The following IPMK variants were observed in gnomAD, a reference collection of about 807,000 sequenced individuals.
IPMK encodes the protein inositol 1,3,4,6-tetrakisphosphate 5-kinase.
A neutral mutation model predicts 45.8 loss-of-function variants in IPMK; 17 were observed. The ratio of observed to expected loss-of-function variants is 0.37; its 90% CI spans 0.25 to 0.56. The LOEUF (loss-of-function observed/expected upper bound fraction) is 0.56. Among genes scored for constraint, IPMK ranks in the 20% least tolerant of loss-of-function variants. The pLI, the probability that IPMK is intolerant of heterozygous loss-of-function variation, is 0.79. For synonymous variants in IPMK, 180 were observed against 184.3 expected, an observed-to-expected ratio of 0.98 and a Z score of 0.19; for missense variants, 399 against 498.0, an observed-to-expected ratio of 0.80 and a Z score of 1.89.
rs971007492 is a variant in IPMK at position 58,194,167 on chromosome 10, T to C, written c.*1909A>G. On this transcript the variant is annotated 3_prime_UTR_variant, in exon 6 of 6. Transcript: ENST00000373935. Reference sequence around the variant, plus strand: ...ATACTTAAGTTTATTAAATTCATTGTACATAGGTTGATATCATCCCATACA... The same window carrying C: ...ATACTTAAGTTTATTAAATTCATTGCACATAGGTTGATATCATCCCATACA... 13 of 151,870 alleles carry C rather than the reference T, an allele frequency of 8.6e-5. No homozygotes were observed. Among genetic ancestry groups the C allele is most frequent in the African/African-American group, 2.4e-4 (10 of 41,440 alleles). The allele number at this position is 151,870 out of a possible 1,614,324, so 9.4% of individuals were successfully genotyped here.
At chr10:58,243,190 C>T (rs989359079) in intron 1 of IPMK, among the ~76,000 whole-genome samples, 3 of 151,904 alleles carry the variant, frequency 2.0e-5, no homozygotes, top group Non-Finnish European at 4.4e-5. Context: ...TTTACAATAG[C>T]TGAGAAGTGG....
Position 58,195,857 on chromosome 10 carries a change from C to A in IPMK, c.*219G>T, listed in dbSNP as rs1475565731. 7 of 490,820 alleles carry A rather than the reference C, an allele frequency of 1.4e-5. No individual in the cohort carries two copies. In the Admixed American group the frequency reaches 1.5e-4, roughly 11 times the overall value. The allele number at this position is 490,820 out of a possible 1,614,324, so 30.4% of individuals were successfully genotyped here. A position where few individuals can be genotyped will look rare whatever the true frequency, so the allele number is the denominator to read the frequency against. On this transcript the variant is annotated 3_prime_UTR_variant, in exon 6 of 6. Coordinates refer to ENST00000373935, the MANE Select transcript of IPMK (RefSeq NM_152230.5). ...ATGTACCACCACATTCCCTGCTTAA[C>A]ATTCCTAAGTTTCTTTATTCTTCAT... is the stretch of plus-strand genomic sequence containing the variant.
intron 1 of IPMK, among the ~76,000 whole-genome samples, chr10:58,258,295 C>T (rs2486485): frequency 0.033 from 4,889 of 149,264 alleles, 123 homozygotes; most frequent in African/African-American, 0.072. Context: ...GGCGACGGAG[C>T]GAGATTCCAT....
chr10:58,224,487 T>C (rs548222932), intron 3 of IPMK, among the ~76,000 whole-genome samples: 7 of 152,338 alleles, frequency 4.6e-5, no homozygotes, highest in African/African-American at 1.4e-4. Context: ...ATTGTGATGA[T>C]TGTATAATTC....
chr10:58,213,643 G>A (rs181752540), intron 4 of IPMK, among the ~76,000 whole-genome samples: 3 of 150,082 alleles, frequency 2.0e-5, no homozygotes, highest in South Asian at 2.1e-4. Context: ...GCAGAGATGC[G>A]ACACTGCACT....
At position 58,196,170 on chromosome 10, in the gene IPMK, A is replaced by T. The variant is rs780801664; in HGVS notation, c.1157T>A (p.Phe386Tyr). ...IAEVEVRMID[F>Y]AHVFPSNTID... Reference sequence around the variant, plus strand: ...TGTGTTGCTAGGGAACACATGAGCAAAATCTATCATTCGCACTTCTACTTC... The same window carrying T: ...TGTGTTGCTAGGGAACACATGAGCATAATCTATCATTCGCACTTCTACTTC... The change falls in exon 6 of 6, where the codon TTT (phenylalanine) becomes TAT (tyrosine). Residue 386 changes from phenylalanine (F) to tyrosine (Y), a missense_variant. By Grantham distance (22) the Phe-to-Tyr change is conservative (BLOSUM62 3). This residue lies in a region of IPMK where 288 missense variants were observed against 398.0 expected (regional missense o/e 0.72). Coordinates refer to ENST00000373935, the MANE Select transcript of IPMK (RefSeq NM_152230.5). 1 of 1,614,110 alleles carries T rather than the reference A, an allele frequency of 6.2e-7. No homozygotes were observed. Among genetic ancestry groups the T allele is most frequent in the Admixed American group, 1.7e-5 (1 of 60,024 alleles).
At chr10:58,208,371 T>C (rs368370056) in intron 4 of IPMK, among the ~76,000 whole-genome samples, 7 of 152,242 alleles carry the variant, frequency 4.6e-5, no homozygotes, top group African/African-American at 1.4e-4. Context: ...GCTAGGGAGC[T>C]ACTGTGATCT....
At chr10:58,199,454 AATCGCAGTTAT>A (rs1837965952) in intron 4 of IPMK, 133 bp from the exon 5 acceptor site, 1 of 519,358 alleles carries the variant, frequency 1.9e-6, no homozygotes, top group Non-Finnish European at 3.3e-6. Flanking sequence ...GAAAAAAAAA[AATCGCAGTTAT>A]ATCAATGGAT....
intron 4 of IPMK, among the ~76,000 whole-genome samples, 165 bp from the exon 5 acceptor site, chr10:58,199,486 C>T (rs1837966366): frequency 6.6e-6 from 1 of 151,942 alleles, no homozygotes; most frequent in South Asian, 2.1e-4. Flanking sequence ...GCTGAAAAAG[C>T]ACTTTACAAA....
intron 4 of IPMK, among the ~76,000 whole-genome samples, chr10:58,202,849 C>G (rs761843853): frequency 4.6e-5 from 7 of 152,118 alleles, no homozygotes; most frequent in Non-Finnish European, 5.9e-5. Flanking sequence ...AACAAGATTA[C>G]TGATGATGTA....
chr10:58,257,352 G>T (rs529077470), intron 1 of IPMK, among the ~76,000 whole-genome samples: 3 of 151,970 alleles, frequency 2.0e-5, no homozygotes, highest in Non-Finnish European at 4.4e-5. Context: ...AAGATTAGCT[G>T]GGCATGGTGG....
intron 4 of IPMK, among the ~76,000 whole-genome samples, chr10:58,211,975 G>T (rs1838172485): frequency 6.7e-6 from 1 of 150,132 alleles, no homozygotes; most frequent in African/African-American, 2.5e-5. Flanking sequence ...TAATGAGTGT[G>T]TCAGTTTTGT....
chr10:58,242,353 G>C (rs940212758), intron 1 of IPMK, among the ~76,000 whole-genome samples: 1 of 151,842 alleles, frequency 6.6e-6, no homozygotes, highest in Admixed American at 6.6e-5. Flanking sequence ...TCAGCTACTC[G>C]GGAGGCTGAG....
At chr10:58,241,071 A>C (rs2790213) in intron 1 of IPMK, among the ~76,000 whole-genome samples, 145,599 of 152,224 alleles carry the variant, frequency 0.96, 69,747 homozygotes, top group East Asian at 1. Flanking sequence ...ATTCTCCAAC[A>C]CTGGGAGGGT....
intron 1 of IPMK, among the ~76,000 whole-genome samples, chr10:58,242,321 G>C (rs181169929): frequency 6.6e-6 from 1 of 152,022 alleles, no homozygotes; most frequent in Non-Finnish European, 1.5e-5. Context: ...TTAGCCAGGC[G>C]TTGTGGCGGA....
At chr10:58,230,937 T>G (rs1838506784) in intron 2 of IPMK, among the ~76,000 whole-genome samples, 1 of 152,150 alleles carries the variant, frequency 6.6e-6, no homozygotes, top group African/African-American at 2.4e-5. Flanking sequence ...TGAAAAAAGA[T>G]TAGATGAATC....
chr10:58,250,702 A>T (rs1339868802), intron 1 of IPMK, among the ~76,000 whole-genome samples: 1 of 152,176 alleles, frequency 6.6e-6, no homozygotes, highest in Non-Finnish European at 1.5e-5. Context: ...TCCTAGGAGT[A>T]GGACTTCCAC....
intron 1 of IPMK, among the ~76,000 whole-genome samples, chr10:58,260,612 T>C (rs968931478): frequency 1.1e-4 from 17 of 152,184 alleles, no homozygotes; most frequent in African/African-American, 4.1e-4. Context: ...CATACATTAG[T>C]TCACTGTACT....
intron 1 of IPMK, among the ~76,000 whole-genome samples, chr10:58,258,971 T>G (rs1184905419): frequency 6.6e-6 from 1 of 152,190 alleles, no homozygotes; most frequent in Non-Finnish European, 1.5e-5. Context: ...TATACTGATG[T>G]TTTGAGGAGA....
Sources: gnomAD v4.1 joint callset for allele counts (sites outside exome capture counted in the v4.1 genomes callset) on GRCh38, gnomAD v4.1.1 for gene constraint, gnomAD v4.1.1 regional missense constraint, MANE v1.5 for transcripts, NCBI Gene and HGNC (gene_info 2026-07-23, HGNC 2026-07-21) for gene names.